Variants in SURF4 observed in about 807,000 individuals in gnomAD.
SURF4 encodes the protein surfeit locus protein 4.
SURF4 carries 3 observed loss-of-function variants against 30.0 expected under a neutral mutation model. The observed-to-expected ratio is 0.10, with a 90% CI of 0.05 to 0.26. The LOEUF is 0.26. Ranked by LOEUF, SURF4 falls within the 10% of genes least tolerant of loss-of-function variation. SURF4 has a pLI of 1.00. For missense variants in SURF4, 217 were observed against 350.8 expected, an observed-to-expected ratio of 0.62 and a Z score of 3.05; for synonymous variants, 143 against 139.9, an observed-to-expected ratio of 1.02 and a Z score of -0.16.
intron 1 of SURF4, among the ~76,000 whole-genome samples, chr9:133,370,666 GAC>G (rs1837451804): frequency 6.6e-6 from 1 of 152,168 alleles, no homozygotes; most frequent in Non-Finnish European, 1.5e-5. Flanking sequence ...ACACAGGCAG[GAC>G]ACACAGCACC....
chr9:133,375,665 G>C (rs935942650), intron 1 of SURF4, among the ~76,000 whole-genome samples: 1 of 152,232 alleles, frequency 6.6e-6, no homozygotes, highest in Admixed American at 6.5e-5. Context: ...CTGGCTGGAG[G>C]GTGGGGGCGG....
rs1837256242 is a variant in SURF4 at position 133,367,608 on chromosome 9, TG to T, written c.49-164del. 77 of 1,495,052 alleles carry T rather than the reference TG, an allele frequency of 5.2e-5. 2 individuals are homozygous for T. In the South Asian group the frequency reaches 9.8e-4, roughly 19 times the overall value. 92.6% of individuals were successfully genotyped at this position (1,495,052 alleles called of 1,614,324 possible). A position where few individuals can be genotyped will look rare whatever the true frequency, so the allele number is the denominator to read the frequency against. ...CCAGGGCAGACTAGGGGGCTCTCAG[TG>T]CTTGCTCCTGAGCGCTACCCTGTGA... On this transcript the variant is annotated intron_variant, in intron 1 of 5. Transcript: ENST00000371989.
chr9:133,367,703 G>A (rs1383441813), intron 1 of SURF4, among the ~76,000 whole-genome samples: 1 of 152,244 alleles, frequency 6.6e-6, no homozygotes, highest in Admixed American at 6.5e-5. Context: ...GCCCTCTGGG[G>A]CAGATCCTAT....
Position 133,361,916 on chromosome 9 carries a change from A to C in SURF4, c.*1577T>G, listed in dbSNP as rs1450359277. The C allele has an allele frequency of 6.6e-6, 1 of 152,270 alleles. No homozygotes were observed. Among genetic ancestry groups the C allele is most frequent in the Admixed American group, 6.5e-5 (1 of 15,284 alleles). The allele number at this position is 152,270 out of a possible 1,614,324, so 9.4% of individuals were successfully genotyped here. ...CAGCCCTGGTGAGGTTGAAACACTG[A>C]GACAAGCCAGTCTTCATGCAGTGAG... is the stretch of plus-strand genomic sequence containing the variant. On this transcript the variant is annotated 3_prime_UTR_variant, in exon 6 of 6. Coordinates refer to ENST00000371989, the MANE Select transcript of SURF4 (RefSeq NM_033161.4).
At chr9:133,365,274 C>A (rs2130115740) in intron 4 of SURF4, among the ~76,000 whole-genome samples, 1 of 152,198 alleles carries the variant, frequency 6.6e-6, no homozygotes, top group Non-Finnish European at 1.5e-5. Flanking sequence ...TGACAGGCTA[C>A]CTGAACACAC....
chr9:133,375,417 T>A (rs1588726199), intron 1 of SURF4: 11 of 985,838 alleles, frequency 1.1e-5, no homozygotes, highest in Non-Finnish European at 1.2e-5. Context: ...AAAGGTGCTG[T>A]GGCTTCCTGT....
chr9:133,369,591 T>G (rs1316990932), intron 1 of SURF4, among the ~76,000 whole-genome samples: 1 of 152,172 alleles, frequency 6.6e-6, no homozygotes, highest in Non-Finnish European at 1.5e-5. Flanking sequence ...AAGATGCCCA[T>G]GTGCACAGTG....
chr9:133,373,021 G>A (rs2130202378), intron 1 of SURF4, among the ~76,000 whole-genome samples: 3 of 152,098 alleles, frequency 2.0e-5, no homozygotes, highest in African/African-American at 7.3e-5. Context: ...CTGCCTTACA[G>A]ATATGGTGCC....
At chr9:133,376,772 G>A (rs1217304031), upstream of SURF4, among the ~76,000 whole-genome samples, 2 of 152,198 alleles carry the variant, frequency 1.3e-5, no homozygotes. Context: ...AATTGACTAA[G>A]GATTCTCCAG....
rs1172157403 is a variant in SURF4 at position 133,362,886 on chromosome 9, T to C, written c.*607A>G. The stretch of plus-strand genomic sequence containing the variant: ...AAGCTGATTTTCTGACCGATGACTT[T>C]TATCATAAACAGCAGCTTCTACCAC... On this transcript the variant is annotated 3_prime_UTR_variant, in exon 6 of 6. Transcript: ENST00000371989. 6.3e-6 allele frequency: 1 copy of C among 157,916 alleles called. No individual in the cohort carries two copies. Among genetic ancestry groups the C allele is most frequent in the Non-Finnish European group, 1.4e-5 (1 of 71,640 alleles). 9.8% of individuals were successfully genotyped at this position (157,916 alleles called of 1,614,324 possible).
rs2130173793 is a variant in SURF4 at position 133,369,863 on chromosome 9, GGAA to G, written c.49-2421_49-2419del. ...TGAACCTGGGGAAAAGCAACCACTG[GGAA>G]GGAAGAGCTCAACAGGAGGCTGTCC... On this transcript the variant is annotated intron_variant, in intron 1 of 5. Coordinates refer to ENST00000371989, the MANE Select transcript of SURF4 (RefSeq NM_033161.4). 2.2e-3 allele frequency among the ~76,000 whole-genome samples: 336 copies of G among 152,358 alleles called. 1 individual carries two copies. The highest frequency in any genetic ancestry group is 7.9e-3 in the African/African-American group (328 of 41,572).
chr9:133,374,805 CTTT>C (rs1009704820), intron 1 of SURF4, among the ~76,000 whole-genome samples: 1 of 149,530 alleles, frequency 6.7e-6, no homozygotes, highest in Admixed American at 6.7e-5. Flanking sequence ...TTACTCTTTT[CTTT>C]TTTTTTTAAA....
intron 1 of SURF4, among the ~76,000 whole-genome samples, chr9:133,367,941 C>T (rs2130152045): frequency 6.6e-6 from 1 of 152,238 alleles, no homozygotes; most frequent in Non-Finnish European, 1.5e-5. Flanking sequence ...CACTCTTTGC[C>T]GTGGGTCATC....
chr9:133,369,888 G>C (rs1232953193), intron 1 of SURF4, among the ~76,000 whole-genome samples: 1 of 152,258 alleles, frequency 6.6e-6, no homozygotes, highest in African/African-American at 2.4e-5. Flanking sequence ...ACAGGAGGCT[G>C]TCCAGACCTC....
intron 1 of SURF4, among the ~76,000 whole-genome samples, chr9:133,374,765 G>C (rs2130228730): frequency 3.3e-5 from 5 of 152,050 alleles, no homozygotes; most frequent in Non-Finnish European, 4.4e-5. Context: ...AGGAACGGAA[G>C]AGTTCAATAG....
upstream of SURF4, chr9:133,376,384 G>A (rs1837944084): frequency 2.1e-6 from 3 of 1,422,792 alleles, no homozygotes; most frequent in Non-Finnish European, 2.8e-6. Context: ...CGAGGGCGCC[G>A]TTCGGGCGGG....
chr9:133,376,376 A>T (rs982715117), upstream of SURF4: 1 of 1,413,234 alleles, frequency 7.1e-7, no homozygotes, highest in Non-Finnish European at 9.3e-7. Context: ...GAGTGCCTCG[A>T]GGGCGCCGTT....
upstream of SURF4, chr9:133,376,159 T>G: frequency 8.3e-7 from 1 of 1,211,902 alleles, no homozygotes; most frequent in South Asian, 4.1e-5. Context: ...CCCGCCCCGG[T>G]GCGTCTTAAA....
At chr9:133,376,353 G>C (rs1440216999), upstream of SURF4, 4 of 1,381,932 alleles carry the variant, frequency 2.9e-6, no homozygotes, top group Non-Finnish European at 3.8e-6. Context: ...GCCAGCGCGC[G>C]GGAGGGACGC....
Sources: gnomAD v4.1 joint callset for allele counts (sites outside exome capture counted in the v4.1 genomes callset) on GRCh38, gnomAD v4.1.1 for gene constraint, MANE v1.5 for transcripts, NCBI Gene and HGNC (gene_info 2026-07-23, HGNC 2026-07-21) for gene names.